DHTKD1: variants seen among roughly 807,000 people sequenced by gnomAD.
DHTKD1 encodes 2-oxoadipate dehydrogenase complex component E1.
A neutral mutation model predicts 101.8 loss-of-function variants in DHTKD1; 78 were observed. That is an observed-to-expected ratio of 0.77 (90% confidence interval 0.64 to 0.93). DHTKD1 has a LOEUF of 0.93. DHTKD1 is among the 40% of genes least tolerant of loss of function. The pLI is 0.00. For missense variants in DHTKD1, 1,223 were observed against 1,161.7 expected, an observed-to-expected ratio of 1.05 and a Z score of -0.77; for synonymous variants, 462 against 450.3, an observed-to-expected ratio of 1.03 and a Z score of -0.33.
In DHTKD1 at chr10:12,074,609, C is replaced by T. The variant is rs576698397; in HGVS notation, c.154+5422C>T. On this transcript the variant is annotated intron_variant, in intron 1 of 16. Coordinates refer to ENST00000263035, the MANE Select transcript of DHTKD1 (RefSeq NM_018706.7). ...TCTTGACCTCATGATCCACCCTCCT[C>T]GGCCTCCCAAAGTGCTGGGATTAGA... is the stretch of plus-strand genomic sequence containing the variant. Among the ~76,000 whole-genome samples the T allele has an allele frequency of 2.1e-4, 32 of 151,440 alleles. 1 individual carries two copies. The highest frequency in any genetic ancestry group is 7.0e-4 in the African/African-American group (29 of 41,328).
At position 12,091,675 on chromosome 10, in the gene DHTKD1, A is replaced by G; in HGVS notation, c.1150A>G (p.Ser384Gly). The G allele has an allele frequency of 5.0e-6, 8 of 1,613,682 alleles. No homozygotes were observed. Among genetic ancestry groups the G allele is most frequent in the Non-Finnish European group, 5.9e-6 (7 of 1,179,840 alleles). The stretch of plus-strand genomic sequence containing the variant: ...AAGAGGAAGGTCTTCTTTATACTGC[A>G]GTGATATTGGTACGTAACACAGGGA... ...AERGRSSLYC[S>G]DIGKLVGCAI... Residue 384 changes from serine to glycine, a missense_variant, in exon 6 of 17, where the codon AGT becomes GGT. Coordinates refer to ENST00000263035, the MANE Select transcript of DHTKD1 (RefSeq NM_018706.7).
Position 12,113,069 on chromosome 10 carries a change from G to A in DHTKD1, c.2319+5G>A. ...AAGATGTTACTCAGGCTCCCGGTAA[G>A]CAGAAGGTGGTGAATAAGCCTTCCT... On this transcript the variant is annotated splice_donor_5th_base_variant and intron_variant, in intron 13 of 16. Transcript: ENST00000263035. 1.3e-6 allele frequency: 2 copies of A among 1,597,126 alleles called. No homozygotes were observed. Among genetic ancestry groups the A allele is most frequent in the Non-Finnish European group, 1.7e-6 (2 of 1,171,744 alleles).
At chr10:12,102,381 A>G (rs1175515739) in intron 10 of DHTKD1, among the ~76,000 whole-genome samples, 5 of 143,776 alleles carry the variant, frequency 3.5e-5, no homozygotes, top group Non-Finnish European at 7.5e-5. Flanking sequence ...CCGAGAACAC[A>G]CCACTGCACT....
At chr10:12,105,336 G>C (rs1230925085) in intron 10 of DHTKD1, among the ~76,000 whole-genome samples, 1 of 151,392 alleles carries the variant, frequency 6.6e-6, no homozygotes, top group African/African-American at 2.4e-5. Context: ...TCTTTTTTGA[G>C]ACAGGATCTC....
rs755632394 is a variant in DHTKD1 at position 12,120,780 on chromosome 10, C to T, written c.2659-7C>T. 6.2e-7 allele frequency: 1 copy of T among 1,613,338 alleles called. No individual in the cohort carries two copies. Among genetic ancestry groups the T allele is most frequent in the Non-Finnish European group, 8.5e-7 (1 of 1,179,276 alleles). ...GTCATTTTATTTCTTCTCTGCTGCA[C>T]TTATAGCTCCGTCTGGTGGGCCGGC... On this transcript the variant is annotated splice_polypyrimidine_tract_variant and splice_region_variant and intron_variant, in intron 16 of 16. Coordinates refer to ENST00000263035, the MANE Select transcript of DHTKD1 (RefSeq NM_018706.7).
intron 1 of DHTKD1, among the ~76,000 whole-genome samples, chr10:12,078,612 A>C (rs1418186103): frequency 6.6e-6 from 1 of 152,132 alleles, no homozygotes; most frequent in African/African-American, 2.4e-5. Context: ...CTCCGTCTCA[A>C]AAAAAAGAAA....
chr10:12,116,091 T>A (rs1833412405), intron 13 of DHTKD1, among the ~76,000 whole-genome samples: 1 of 151,154 alleles, frequency 6.6e-6, no homozygotes, highest in Non-Finnish European at 1.5e-5. Flanking sequence ...CCACCATGCC[T>A]GGCTCATTTT....
chr10:12,089,202 GA>G lies in DHTKD1; in HGVS notation c.935del (p.Asp312ValfsTer51). 6.2e-7 allele frequency: 1 copy of G among 1,614,134 alleles called. No homozygotes were observed. The highest frequency in any genetic ancestry group is 8.5e-7 in the Non-Finnish European group (1 of 1,180,022). On this transcript the variant is annotated frameshift_variant, in exon 5 of 17. Transcript: ENST00000263035. LOFTEE classifies it high-confidence loss of function. ...CAGGCAGCAGTCTCGCCAAGACGGCGATTACTCTCCAGACAACTCAGCCCAG... is the reference window on the plus strand; with the variant it reads ...CAGGCAGCAGTCTCGCCAAGACGGCGTTACTCTCCAGACAACTCAGCCCAG... ...RGRQQSRQDGDYSPDNSAQPG... is the reference protein window; with the variant it reads ...RGRQQSRQDGXYSPDNSAQPG...
chr10:12,069,141 G>A lies in DHTKD1; in HGVS notation c.108G>A (p.Arg36=), dbSNP rs549820929. Residue 36 remains arginine, a synonymous_variant, in exon 1 of 17, where the codon AGG becomes AGA. Transcript: ENST00000263035. Reference sequence around the variant, plus strand: ...GGGGCGTTTACGGCTACCGGCCGAGGAAGCCCGAGAGCCGCGAGCCCCAGG... The same window carrying A: ...GGGGCGTTTACGGCTACCGGCCGAGAAAGCCCGAGAGCCGCGAGCCCCAGG... ...TERGVYGYRP[R]KPESREPQGA... 26 of 1,582,568 alleles carry A rather than the reference G, an allele frequency of 1.6e-5. No individual in the cohort carries two copies. The highest frequency in any genetic ancestry group is 5.5e-5 in the Admixed American group (3 of 54,940).
At chr10:12,120,445 T>A (rs1026545647) in intron 16 of DHTKD1, 178 bp downstream of exon 16, 1 of 551,990 alleles carries the variant, frequency 1.8e-6, no homozygotes, top group South Asian at 2.0e-5. Context: ...GCCATTCTCC[T>A]GCCTCAGCCT....
chr10:12,115,399 G>A (rs535723361), intron 13 of DHTKD1, among the ~76,000 whole-genome samples: 4 of 152,206 alleles, frequency 2.6e-5, no homozygotes, highest in South Asian at 4.1e-4. Context: ...GCCTGGCCTC[G>A]TTGTTTTAAG....
chr10:12,069,062 G>C lies in DHTKD1; in HGVS notation c.29G>C (p.Arg10Pro), dbSNP rs756935526. The C allele has an allele frequency of 5.6e-6, 9 of 1,613,138 alleles. 1 individual carries two copies. In the South Asian group the frequency reaches 6.6e-5, roughly 12 times the overall value. Residue 10 changes from arginine (R) to proline (P), a missense_variant, in exon 1 of 17, where the codon CGA (arginine) becomes CCA (proline). Coordinates refer to ENST00000263035, the MANE Select transcript of DHTKD1 (RefSeq NM_018706.7). ...GCCTCTGCTACTGCGGCAGCAGCAC[G>C]ACGGGGCCTCGGCCGGGCTCTCCCT... MASATAAAA[R>P]RGLGRALPLF...
chr10:12,093,945 G>A (rs1024809552), intron 6 of DHTKD1, 128 bp from the exon 7 acceptor site: 3 of 791,536 alleles, frequency 3.8e-6, no homozygotes, highest in Non-Finnish European at 4.2e-6. Context: ...CAAAGCTGGG[G>A]TTGTTAACCA....
At position 12,112,721 on chromosome 10, in the gene DHTKD1, C is replaced by T. The variant is rs574353943; in HGVS notation, c.2155-179C>T. Among the ~76,000 whole-genome samples, 3 of 152,246 alleles carry T rather than the reference C, an allele frequency of 2.0e-5. No homozygotes were observed. In the South Asian group the frequency reaches 6.2e-4, roughly 32 times the overall value. On this transcript the variant is annotated intron_variant, in intron 12 of 16. Coordinates refer to ENST00000263035, the MANE Select transcript of DHTKD1 (RefSeq NM_018706.7). The stretch of plus-strand genomic sequence containing the variant: ...CAGTGGAGAAAGCCATCAGAGCTCT[C>T]CTTTGGTTAATACCGCACCGTTCAT...
At chr10:12,074,953 C>A (rs1832703453) in intron 1 of DHTKD1, among the ~76,000 whole-genome samples, 1 of 151,944 alleles carries the variant, frequency 6.6e-6, no homozygotes, top group Non-Finnish European at 1.5e-5. Context: ...TGGTGAAATC[C>A]CATCTCTACT....
At position 12,122,798 on chromosome 10, in the gene DHTKD1, A is replaced by T. The variant is rs1833545497; in HGVS notation, c.*1910A>T. On this transcript the variant is annotated 3_prime_UTR_variant, in exon 17 of 17. Transcript: ENST00000263035. The stretch of plus-strand genomic sequence containing the variant: ...ACTAAACAGCGAACCATGTAGCTTC[A>T]CCTGACTCAGTGCTGGGGGCCTCTA... 1 of 152,186 alleles carries T rather than the reference A, an allele frequency of 6.6e-6. No homozygotes were observed. The highest frequency in any genetic ancestry group is 1.5e-5 in the Non-Finnish European group (1 of 68,052). 9.4% of individuals were successfully genotyped at this position (152,186 alleles called of 1,614,324 possible). A position where few individuals can be genotyped will look rare whatever the true frequency, so the allele number is the denominator to read the frequency against.
intron 1 of DHTKD1, among the ~76,000 whole-genome samples, chr10:12,080,433 C>T (rs935277691): frequency 8.6e-5 from 13 of 151,934 alleles, no homozygotes; most frequent in African/African-American, 3.1e-4. Flanking sequence ...AATATGTGGG[C>T]CAGGTACATT....
At chr10:12,095,892 C>T (rs1335032059) in intron 7 of DHTKD1, among the ~76,000 whole-genome samples, 2 of 151,244 alleles carry the variant, frequency 1.3e-5, no homozygotes, top group African/African-American at 4.9e-5. Flanking sequence ...GCCTGTAGTC[C>T]CAGCTACTCG....
intron 1 of DHTKD1, among the ~76,000 whole-genome samples, chr10:12,072,813 C>T (rs1197591873): frequency 6.6e-6 from 1 of 151,664 alleles, no homozygotes; most frequent in Non-Finnish European, 1.5e-5. Context: ...CTCAGCTCAC[C>T]ACAACCTCTG....
Sources: allele counts gnomAD v4.1 joint callset (sites outside exome capture counted in the v4.1 genomes callset), GRCh38; gene constraint gnomAD v4.1.1; transcripts MANE v1.5; gene names NCBI Gene and HGNC (gene_info 2026-07-23, HGNC 2026-07-21).